The following ZNF143 variants were observed in gnomAD, a reference collection of about 807,000 sequenced individuals.
ZNF143 encodes zinc finger protein 143.
Under a neutral mutation model 74.1 loss-of-function variants are expected in ZNF143, and 49 were observed. The ratio of observed to expected loss-of-function variants is 0.66; its 90% CI spans 0.53 to 0.84. The LOEUF is 0.84. Among genes scored for constraint, ZNF143 ranks in the 40% least tolerant of loss-of-function variants. The pLI, the probability that ZNF143 is intolerant of heterozygous loss-of-function variation, is 0.00. For missense variants in ZNF143, 637 were observed against 793.4 expected, an observed-to-expected ratio of 0.80 and a Z score of 2.37; for synonymous variants, 304 against 282.8, an observed-to-expected ratio of 1.07 and a Z score of -0.75.
intron 13 of ZNF143, among the ~76,000 whole-genome samples, chr11:9,515,927 G>T (rs1177893807): frequency 5.9e-5 from 9 of 151,994 alleles, no homozygotes; most frequent in African/African-American, 2.2e-4. Context: ...TTAGACTTCA[G>T]TGATTTATGA....
chr11:9,463,186 A>G (rs1488675479), intron 1 of ZNF143, among the ~76,000 whole-genome samples: 3 of 152,162 alleles, frequency 2.0e-5, no homozygotes, highest in African/African-American at 7.2e-5. Flanking sequence ...TCATCTGTTG[A>G]TGGACATTTG....
intron 7 of ZNF143, among the ~76,000 whole-genome samples, chr11:9,492,958 T>C (rs1277901829): frequency 6.6e-6 from 1 of 152,116 alleles, no homozygotes; most frequent in African/African-American, 2.4e-5. Context: ...CTCATGGAAG[T>C]AGGGAGATGG....
At chr11:9,520,320 C>T (rs1397080885) in intron 14 of ZNF143, among the ~76,000 whole-genome samples, 1 of 146,612 alleles carries the variant, frequency 6.8e-6, no homozygotes, top group Admixed American at 6.8e-5. Flanking sequence ...CTGTGCCTGT[C>T]CAATTTTTTT....
chr11:9,466,880 G>GTT (rs145610313), intron 1 of ZNF143, among the ~76,000 whole-genome samples: 30 of 150,268 alleles, frequency 2.0e-4, no homozygotes, highest in African/African-American at 2.7e-4. Flanking sequence ...TAATACTCTG[G>GTT]TTTTTTTTTG....
rs79117315 is a variant in ZNF143, at chr11:9,478,534, A to T, written c.518A>T (p.Asp173Val). ...DGTVAGLHTGDATIDPDTISA... is the reference protein window; with the variant it reads ...DGTVAGLHTGVATIDPDTISA... ...ACAGTGGCAGGTCTGCACACTGGGG[A>T]TGCTACAATTGACCCTGACACCATC... The change falls in exon 6 of 16, where the codon GAT becomes GTT. Residue 173 changes from aspartate to valine, a missense_variant. Asp to Val is a radical substitution (Grantham distance 152). Coordinates refer to ENST00000396602, the MANE Select transcript of ZNF143 (RefSeq NM_003442.6). The T allele has an allele frequency of 6.2e-7, 1 of 1,614,008 alleles. No individual in the cohort carries two copies. The highest frequency in any genetic ancestry group is 8.5e-7 in the Non-Finnish European group (1 of 1,180,006).
intron 12 of ZNF143, among the ~76,000 whole-genome samples, chr11:9,512,006 CT>C: frequency 6.6e-6 from 1 of 152,198 alleles, no homozygotes; most frequent in East Asian, 1.9e-4. Context: ...CCACCTCAGC[CT>C]CCCAAAGTCC....
chr11:9,513,560 G>C (rs1848624937), intron 13 of ZNF143, among the ~76,000 whole-genome samples: 1 of 152,124 alleles, frequency 6.6e-6, no homozygotes, highest in African/African-American at 2.4e-5. Context: ...GTCTGAAATA[G>C]CCACTACTGA....
At chr11:9,490,734 C>G (rs943766456) in intron 7 of ZNF143, among the ~76,000 whole-genome samples, 2 of 152,060 alleles carry the variant, frequency 1.3e-5, no homozygotes, top group African/African-American at 4.8e-5. Flanking sequence ...GAGCAATAAA[C>G]AGAAACTGAT....
chr11:9,517,628 C>T (rs1225651966), intron 14 of ZNF143, among the ~76,000 whole-genome samples: 4 of 152,068 alleles, frequency 2.6e-5, no homozygotes, highest in Non-Finnish European at 5.9e-5. Context: ...ATGTATTTTT[C>T]GTAGTTTTAA....
At chr11:9,510,973 T>C (rs969611436) in intron 12 of ZNF143, among the ~76,000 whole-genome samples, 2 of 152,172 alleles carry the variant, frequency 1.3e-5, no homozygotes, top group African/African-American at 4.8e-5. Context: ...CATTGTGTAC[T>C]GATGGTTTGC....
At chr11:9,519,896 A>T (rs1848850679) in intron 14 of ZNF143, among the ~76,000 whole-genome samples, 1 of 152,020 alleles carries the variant, frequency 6.6e-6, no homozygotes. Flanking sequence ...AAACGTTTTT[A>T]AAAAATAGGC....
chr11:9,482,509 A>G (rs1016923011), intron 7 of ZNF143, among the ~76,000 whole-genome samples: 2 of 151,310 alleles, frequency 1.3e-5, no homozygotes, highest in South Asian at 4.2e-4. Flanking sequence ...TGACCTCATG[A>G]TCCGCCCACC....
chr11:9,522,957 T>G (rs1274119673), intron 14 of ZNF143, among the ~76,000 whole-genome samples: 1 of 141,624 alleles, frequency 7.1e-6, no homozygotes, highest in African/African-American at 2.6e-5. Context: ...TTAGTAGAGG[T>G]GGGGTTTCAC....
intron 14 of ZNF143, among the ~76,000 whole-genome samples, chr11:9,519,608 A>T (rs767857844): frequency 2.6e-5 from 4 of 152,192 alleles, no homozygotes; most frequent in Non-Finnish European, 4.4e-5. Context: ...GTAAGAATAT[A>T]CCACAACTTG....
chr11:9,467,702 C>G (rs557919009), intron 1 of ZNF143, among the ~76,000 whole-genome samples: 91 of 152,082 alleles, frequency 6.0e-4, no homozygotes, highest in Non-Finnish European at 1.0e-3. Flanking sequence ...AAAAAATTAC[C>G]TGGGCATGGT....
chr11:9,522,942 T>C (rs1848989679), intron 14 of ZNF143, among the ~76,000 whole-genome samples: 1 of 151,604 alleles, frequency 6.6e-6, no homozygotes, highest in South Asian at 2.1e-4. Context: ...TTTGTATTTT[T>C]TTTTTTAGTA....
At chr11:9,511,441 C>T (rs1298094498) in intron 12 of ZNF143, among the ~76,000 whole-genome samples, 1 of 151,374 alleles carries the variant, frequency 6.6e-6, no homozygotes, top group Non-Finnish European at 1.5e-5. Flanking sequence ...GGACTACAGG[C>T]GCCTGCCACC....
intron 14 of ZNF143, among the ~76,000 whole-genome samples, chr11:9,524,952 ATAGAATC>A (rs751046314): frequency 1.2e-4 from 18 of 152,218 alleles, no homozygotes; most frequent in Admixed American, 7.2e-4. Context: ...CTTAGGGGTA[ATAGAATC>A]TAGGTACAGC....
intron 10 of ZNF143, among the ~76,000 whole-genome samples, chr11:9,500,658 A>G (rs1326184223): frequency 1.3e-5 from 2 of 152,184 alleles, no homozygotes; most frequent in Non-Finnish European, 2.9e-5. Flanking sequence ...TGGTCAAAAC[A>G]CCATATTTTT....
Sources: gnomAD v4.1 joint callset for allele counts (sites outside exome capture counted in the v4.1 genomes callset) on GRCh38, gnomAD v4.1.1 for gene constraint, MANE v1.5 for transcripts, NCBI Gene and HGNC (gene_info 2026-07-23, HGNC 2026-07-21) for gene names.